Variants in C3orf20 observed in about 807,000 individuals in gnomAD.
C3orf20 encodes the protein uncharacterized protein C3orf20.
Under a neutral mutation model 88.3 loss-of-function variants are expected in C3orf20, and 76 were observed. The ratio of observed to expected loss-of-function variants is 0.86; its 90% CI spans 0.72 to 1.04. C3orf20 has a LOEUF of 1.04. Ranked by LOEUF, C3orf20 falls within the 50% of genes least tolerant of loss-of-function variation. The pLI is 0.00. For synonymous variants in C3orf20, 436 were observed against 437.4 expected, an observed-to-expected ratio of 1.00 and a Z score of 0.04; for missense variants, 1,056 against 1,123.3, an observed-to-expected ratio of 0.94 and a Z score of 0.86.
At chr3:14,697,929 G>A (rs1469563016) in intron 5 of C3orf20, among the ~76,000 whole-genome samples, 1 of 152,090 alleles carries the variant, frequency 6.6e-6, no homozygotes, top group Non-Finnish European at 1.5e-5. Context: ...TGATGTATAT[G>A]TGCCACATTT....
intron 15 of C3orf20, among the ~76,000 whole-genome samples, chr3:14,766,642 C>T (rs1048726487): frequency 7.2e-5 from 11 of 152,310 alleles, no homozygotes; most frequent in African/African-American, 2.4e-4. Context: ...AGGTGCTGCC[C>T]GGCTGCACTC....
chr3:14,751,382 G>T (rs2035214349), intron 12 of C3orf20, among the ~76,000 whole-genome samples: 1 of 152,192 alleles, frequency 6.6e-6, no homozygotes, highest in Non-Finnish European at 1.5e-5. Flanking sequence ...GACAGCGGGT[G>T]CAGCCCCCGG....
chr3:14,711,476 T>G (rs2033733986), intron 7 of C3orf20, among the ~76,000 whole-genome samples: 1 of 152,196 alleles, frequency 6.6e-6, no homozygotes, highest in African/African-American at 2.4e-5. Flanking sequence ...TTTAGTATAT[T>G]CACCCCTACT....
chr3:14,742,792 G>A (rs963681759), intron 12 of C3orf20, among the ~76,000 whole-genome samples: 10 of 152,126 alleles, frequency 6.6e-5, no homozygotes, highest in Non-Finnish European at 1.3e-4. Flanking sequence ...CTTATGTGGT[G>A]GTGGCAAGAG....
chr3:14,769,750 C>A (rs143815612), intron 15 of C3orf20, among the ~76,000 whole-genome samples: 1 of 151,934 alleles, frequency 6.6e-6, no homozygotes, highest in African/African-American at 2.4e-5. Flanking sequence ...TGGTGGGGCG[C>A]GGGGTAGGGG....
chr3:14,758,750 G>T (rs574481460), intron 13 of C3orf20, among the ~76,000 whole-genome samples: 103 of 152,308 alleles, frequency 6.8e-4, no homozygotes, highest in Non-Finnish European at 1.2e-3. Context: ...TCGGGTCTGT[G>T]CTCCAGACCT....
intron 12 of C3orf20, among the ~76,000 whole-genome samples, chr3:14,731,486 CAGGT>C (rs2034539718): frequency 6.6e-6 from 1 of 152,170 alleles, no homozygotes; most frequent in South Asian, 2.1e-4. Context: ...GAAAAAGACA[CAGGT>C]AGAATCTGAA....
chr3:14,772,294 T>A lies in C3orf20; in HGVS notation c.2630+93T>A. 6.7e-7 allele frequency: 1 copy of A among 1,499,640 alleles called. No individual in the cohort carries two copies. Among genetic ancestry groups the A allele is most frequent in the Non-Finnish European group, 9.2e-7 (1 of 1,087,076 alleles). 92.9% of individuals were successfully genotyped at this position (1,499,640 alleles called of 1,614,324 possible). ...TTGGGCAAGTCACTACCCCCAGGCGTGGCCTGGGTCATGTCCAACCATCGC... is the reference window on the plus strand; with the variant it reads ...TTGGGCAAGTCACTACCCCCAGGCGAGGCCTGGGTCATGTCCAACCATCGC... On this transcript the variant is annotated intron_variant, in intron 16 of 16. Transcript: ENST00000253697. This position sits in a 1 kb window ranked among gnomAD's most constrained non-coding sequence, Gnocchi z 4.2.
At chr3:14,689,482 A>G (rs2032605564) in intron 4 of C3orf20, among the ~76,000 whole-genome samples, 1 of 152,218 alleles carries the variant, frequency 6.6e-6, no homozygotes, top group African/African-American at 2.4e-5. Context: ...AGAATGAACA[A>G]GATTTTCCAC....
intron 12 of C3orf20, among the ~76,000 whole-genome samples, chr3:14,740,371 G>T (rs2034865990): frequency 6.6e-6 from 1 of 152,136 alleles, no homozygotes; most frequent in Admixed American, 6.6e-5. Flanking sequence ...TGTCAATTAA[G>T]TTTGCTGTCT....
chr3:14,730,732 C>T (rs111313665), intron 12 of C3orf20, among the ~76,000 whole-genome samples: 9 of 152,246 alleles, frequency 5.9e-5, no homozygotes, highest in South Asian at 4.1e-4. Context: ...GTCCGTTTTC[C>T]GCCATGGTCG....
chr3:14,705,332 GA>G (rs2033455314), intron 7 of C3orf20, among the ~76,000 whole-genome samples: 1 of 152,262 alleles, frequency 6.6e-6, no homozygotes, highest in Non-Finnish European at 1.5e-5. Flanking sequence ...CCTGTCTTTG[GA>G]TCTGAGTTTG....
intron 1 of C3orf20, among the ~76,000 whole-genome samples, chr3:14,680,722 TG>T (rs1311166710): frequency 1.3e-5 from 2 of 152,208 alleles, no homozygotes; most frequent in African/African-American, 4.8e-5. Context: ...ACAAAGGAAC[TG>T]GTGGCAGGGG....
At chr3:14,745,990 C>T (rs2035047475) in intron 12 of C3orf20, among the ~76,000 whole-genome samples, 1 of 152,206 alleles carries the variant, frequency 6.6e-6, no homozygotes, top group Non-Finnish European at 1.5e-5. Context: ...TAAACAGTCA[C>T]TTCCCATTCT....
chr3:14,713,016 C>A (rs983707107), intron 7 of C3orf20, among the ~76,000 whole-genome samples: 5 of 152,112 alleles, frequency 3.3e-5, no homozygotes, highest in African/African-American at 1.2e-4. Context: ...GAGAAATCAG[C>A]CATTAATCTT....
intron 11 of C3orf20, among the ~76,000 whole-genome samples, chr3:14,727,992 A>C (rs2034412890): frequency 6.6e-6 from 1 of 152,214 alleles, no homozygotes; most frequent in Non-Finnish European, 1.5e-5. Flanking sequence ...GAAGTCTTCC[A>C]GTCTAGTAGG....
Position 14,688,189 on chromosome 3 carries a change from T to C in C3orf20, c.626-1808T>C, listed in dbSNP as rs535508398. Among the ~76,000 whole-genome samples the C allele has an allele frequency of 4.1e-4, 63 of 152,258 alleles. 1 individual carries two copies. The highest frequency in any genetic ancestry group is 3.4e-3 in the Middle Eastern group (1 of 294). On this transcript the variant is annotated intron_variant, in intron 4 of 16. Transcript: ENST00000253697. Reference sequence around the variant, plus strand: ...TATGTTTTTCGGGACCGTCCTCTTATGTGAGGTAGACCAAAGCTGTAACAG... The same window carrying C: ...TATGTTTTTCGGGACCGTCCTCTTACGTGAGGTAGACCAAAGCTGTAACAG...
At chr3:14,723,397 T>C (rs1021455639) in intron 10 of C3orf20, among the ~76,000 whole-genome samples, 1 of 152,264 alleles carries the variant, frequency 6.6e-6, no homozygotes, top group Non-Finnish European at 1.5e-5. Context: ...CTTCATTAAT[T>C]CATTAACAAA....
At chr3:14,757,749 A>G in intron 13 of C3orf20, 75 bp downstream of exon 13, 2 of 1,421,174 alleles carry the variant, frequency 1.4e-6, no homozygotes, top group African/African-American at 1.4e-5. Flanking sequence ...AAACCCCCAC[A>G]GTGCTAGGAC....
Sources: allele counts gnomAD v4.1 joint callset (sites outside exome capture counted in the v4.1 genomes callset), GRCh38; gene constraint gnomAD v4.1.1; non-coding constraint Gnocchi (gnomAD v3.1); transcripts MANE v1.5; gene names NCBI Gene and HGNC (gene_info 2026-07-23, HGNC 2026-07-21).